SH3PXD2A: variants seen among roughly 807,000 people sequenced by gnomAD.
SH3PXD2A encodes the protein SH3 and PX domains 2A, also known as SH3 and PX domain-containing protein 2A.
A neutral mutation model predicts 115.2 loss-of-function variants in SH3PXD2A; 32 were observed. The observed-to-expected ratio is 0.28, with a 90% CI of 0.21 to 0.37. The LOEUF (loss-of-function observed/expected upper bound fraction) is 0.37, where lower values mean the gene tolerates loss of function less well. Among genes scored for constraint, SH3PXD2A ranks in the 10% least tolerant of loss-of-function variants. SH3PXD2A has a pLI of 1.00. For missense variants in SH3PXD2A, 1,328 were observed against 1,498.7 expected, an observed-to-expected ratio of 0.89 and a Z score of 1.88; for synonymous variants, 610 against 629.1, an observed-to-expected ratio of 0.97 and a Z score of 0.45.
chr10:103,778,424 C>T (rs766024880), intron 2 of SH3PXD2A, among the ~76,000 whole-genome samples: 1 of 152,244 alleles, frequency 6.6e-6, no homozygotes, highest in Non-Finnish European at 1.5e-5. Context: ...CCTCCCTTGG[C>T]ACTGTTTTAC....
chr10:103,668,341 C>A (rs532451593), intron 7 of SH3PXD2A, among the ~76,000 whole-genome samples: 1 of 152,390 alleles, frequency 6.6e-6, no homozygotes, highest in South Asian at 2.1e-4. Flanking sequence ...CAGGACGTAG[C>A]AGAGCTGGAA....
In SH3PXD2A at chr10:103,668,779, G is replaced by T. The variant is rs374917622; in HGVS notation, c.428-127C>A. ...GCTCGGCCAGCCGCGGGCGGAAGGC[G>T]GAGGAGGGAGGAGAGTGATTTCCTG... On this transcript the variant is annotated intron_variant, in intron 6 of 14. Coordinates refer to ENST00000369774, the MANE Select transcript of SH3PXD2A (RefSeq NM_001394015.1). 3.0e-5 allele frequency: 24 copies of T among 789,964 alleles called. No homozygotes were observed. The African/African-American group carries it at 3.4e-4, about 11-fold the overall frequency. The allele number at this position is 789,964 out of a possible 1,614,324, so 48.9% of individuals were successfully genotyped here. A position where few individuals can be genotyped will look rare whatever the true frequency, so the allele number is the denominator to read the frequency against.
chr10:103,843,425 C>T (rs1238812384), intron 1 of SH3PXD2A, among the ~76,000 whole-genome samples: 2 of 145,678 alleles, frequency 1.4e-5, no homozygotes, highest in African/African-American at 5.0e-5. Context: ...ACCACAGTGC[C>T]ATGCTATCCA....
rs757626604 is a variant in SH3PXD2A at position 103,601,489 on chromosome 10, C to T, written c.*327G>A. On this transcript the variant is annotated 3_prime_UTR_variant, in exon 15 of 15. Transcript: ENST00000369774. Reference sequence around the variant, plus strand: ...GCAAAGGCACAACTGGGGTCTCCCACATGGCCTGTCCCAGATGGCATGTAA... The same window carrying T: ...GCAAAGGCACAACTGGGGTCTCCCATATGGCCTGTCCCAGATGGCATGTAA... 4.0e-4 allele frequency: 87 copies of T among 219,714 alleles called. No individual in the cohort carries two copies. Among genetic ancestry groups the T allele is most frequent in the Middle Eastern group, 3.2e-3 (2 of 630 alleles). The allele number at this position is 219,714 out of a possible 1,614,324, so 13.6% of individuals were successfully genotyped here.
intron 8 of SH3PXD2A, among the ~76,000 whole-genome samples, chr10:103,644,480 G>A (rs1375162728): frequency 2.0e-5 from 3 of 151,818 alleles, no homozygotes; most frequent in Non-Finnish European, 2.9e-5. Flanking sequence ...CCAGCTACTC[G>A]GGGGCTGAGG....
intron 1 of SH3PXD2A, among the ~76,000 whole-genome samples, chr10:103,839,618 G>C (rs2039578281): frequency 6.6e-6 from 1 of 150,844 alleles, no homozygotes; most frequent in African/African-American, 2.4e-5. Context: ...CACCCCCAAG[G>C]CCACGCAGCC....
intron 6 of SH3PXD2A, among the ~76,000 whole-genome samples, chr10:103,678,570 A>C (rs1396309440): frequency 6.6e-6 from 1 of 152,188 alleles, no homozygotes; most frequent in East Asian, 1.9e-4. Flanking sequence ...TGCCTTTCCC[A>C]GCGTGGGAAG....
At chr10:103,649,765 A>G (rs898700878) in intron 8 of SH3PXD2A, among the ~76,000 whole-genome samples, 1 of 152,254 alleles carries the variant, frequency 6.6e-6, no homozygotes, top group Admixed American at 6.5e-5. Flanking sequence ...TTAAAAGTAC[A>G]GAAAACAAAA....
chr10:103,851,675 T>G (rs1842898075), intron 1 of SH3PXD2A, among the ~76,000 whole-genome samples: 1 of 152,152 alleles, frequency 6.6e-6, no homozygotes, highest in Non-Finnish European at 1.5e-5. Context: ...CACATTAGGG[T>G]ACATTCAATG....
intron 3 of SH3PXD2A, among the ~76,000 whole-genome samples, chr10:103,758,180 C>T (rs2038663712): frequency 1.3e-5 from 2 of 152,346 alleles, no homozygotes; most frequent in Middle Eastern, 3.4e-3. Flanking sequence ...CTCCACAAGT[C>T]CTGTCTGCCC....
intron 5 of SH3PXD2A, among the ~76,000 whole-genome samples, chr10:103,705,439 G>A (rs1430024814): frequency 6.6e-6 from 1 of 152,160 alleles, no homozygotes; most frequent in Non-Finnish European, 1.5e-5. Context: ...CACTACATTT[G>A]TCAAGCATTT....
chr10:103,832,420 G>A (rs923169736), intron 1 of SH3PXD2A, among the ~76,000 whole-genome samples: 23 of 150,670 alleles, frequency 1.5e-4, no homozygotes, highest in African/African-American at 5.4e-4. Flanking sequence ...TGATCTGGAG[G>A]AAATAATAAA....
intron 8 of SH3PXD2A, among the ~76,000 whole-genome samples, chr10:103,652,825 C>T (rs943209914): frequency 6.6e-6 from 1 of 152,176 alleles, no homozygotes; most frequent in Non-Finnish European, 1.5e-5. Flanking sequence ...TGCAAAGGTA[C>T]ACCTGAGTCA....
intron 2 of SH3PXD2A, among the ~76,000 whole-genome samples, chr10:103,788,426 C>T (rs1448910166): frequency 6.6e-6 from 1 of 152,170 alleles, no homozygotes; most frequent in Admixed American, 6.6e-5. Flanking sequence ...CCAGGACTCC[C>T]ACAAGTCCTT....
rs1046470258 is a variant in SH3PXD2A at position 103,666,498 on chromosome 10, C to T, written c.472+2110G>A. 5.3e-5 allele frequency among the ~76,000 whole-genome samples: 8 copies of T among 152,216 alleles called. No individual in the cohort carries two copies. Among genetic ancestry groups the T allele is most frequent in the Admixed American group, 5.2e-4 (8 of 15,276 alleles). ...AAGTATGTGCCTTGGACAAGAGTCTCTCGACACTCCAGGACTGGTGCCTCA... is the reference window on the plus strand; with the variant it reads ...AAGTATGTGCCTTGGACAAGAGTCTTTCGACACTCCAGGACTGGTGCCTCA... On this transcript the variant is annotated intron_variant, in intron 7 of 14. Coordinates refer to ENST00000369774, the MANE Select transcript of SH3PXD2A (RefSeq NM_001394015.1). This position sits in a 1 kb window ranked among gnomAD's most constrained non-coding sequence, Gnocchi z 4.5.
chr10:103,617,008 G>A (rs989915559), intron 11 of SH3PXD2A, among the ~76,000 whole-genome samples, 189 bp downstream of exon 11: 1 of 152,286 alleles, frequency 6.6e-6, no homozygotes. Flanking sequence ...CGTCCCGGGA[G>A]AAAACTTGCA....
chr10:103,766,230 T>C (rs2038752977), intron 3 of SH3PXD2A, among the ~76,000 whole-genome samples: 1 of 152,204 alleles, frequency 6.6e-6, no homozygotes, highest in South Asian at 2.1e-4. Flanking sequence ...AAGGTCTGAC[T>C]GATCACTGTG....
intron 1 of SH3PXD2A, among the ~76,000 whole-genome samples, chr10:103,851,541 G>A (rs895867053): frequency 2.0e-5 from 3 of 152,168 alleles, no homozygotes; most frequent in African/African-American, 7.2e-5. Context: ...ATCCTCCTTT[G>A]GAGCTAACCT....
intron 5 of SH3PXD2A, among the ~76,000 whole-genome samples, chr10:103,701,893 TC>T (rs2037915495): frequency 6.7e-6 from 1 of 148,860 alleles, no homozygotes; most frequent in African/African-American, 2.5e-5. Context: ...CATCCATCCA[TC>T]CACCATCCAG....
Sources: gnomAD v4.1 joint callset for allele counts (sites outside exome capture counted in the v4.1 genomes callset) on GRCh38, gnomAD v4.1.1 for gene constraint, Gnocchi (gnomAD v3.1) non-coding constraint, MANE v1.5 for transcripts, NCBI Gene and HGNC (gene_info 2026-07-23, HGNC 2026-07-21) for gene names.